The following SOX3 variants were observed in gnomAD, a reference collection of about 807,000 sequenced individuals.
The protein encoded by SOX3 is transcription factor SOX-3.
Under a neutral mutation model 4.6 loss-of-function variants are expected in SOX3, and 2 were observed. The ratio of observed to expected loss-of-function variants is 0.43; its 90% CI spans 0.18 to 1.36. The LOEUF is 1.36. Ranked by LOEUF, SOX3 falls within the 40% of genes most tolerant of loss-of-function variation. The pLI is 0.28. For missense variants in SOX3, 326 were observed against 441.9 expected (o/e 0.74, Z 2.35); for synonymous variants, 244 against 215.9 (o/e 1.13, Z -1.14).
Position 140,504,443 on chromosome X carries a change from G to A in SOX3, c.618C>T (p.Tyr206=). ...TGGTCTTGCGGCGCGGTCGGTACTT[G>A]TAGTCCGGATACTCCTTCATGTGCA... ...RAVHMKEYPD[Y]KYRPRRKTKT... Residue 206 remains tyrosine (Y), a synonymous_variant, in exon 1 of 1, where the codon TAC becomes TAT. Coordinates refer to ENST00000370536, the MANE Select transcript of SOX3 (RefSeq NM_005634.3). The A allele has an allele frequency of 8.3e-7, 1 of 1,211,862 alleles. No homozygotes were observed. The highest frequency in any genetic ancestry group is 1.1e-6 in the Non-Finnish European group (1 of 895,461).
chrX:140,503,509 C>G lies in SOX3; in HGVS notation c.*211G>C. On this transcript the variant is annotated 3_prime_UTR_variant, in exon 1 of 1. Coordinates refer to ENST00000370536, the MANE Select transcript of SOX3 (RefSeq NM_005634.3). The stretch of plus-strand genomic sequence containing the variant: ...GGAGCAGCGGCGTGGGGCAAGAGAG[C>G]TCTCTAGAAGTCCCATTTTCGCTGC... 2.6e-6 allele frequency: 1 copy of G among 383,252 alleles called. No homozygotes were observed. The highest frequency in any genetic ancestry group is 4.5e-6 in the Non-Finnish European group (1 of 221,330). The allele number at this position is 383,252 out of a possible 1,213,427, so 31.6% of individuals were successfully genotyped here. A position where few individuals can be genotyped will look rare whatever the true frequency, so the allele number is the denominator to read the frequency against.
rs745680900 is a variant in SOX3 at position 140,504,942 on chromosome X, G to T, written c.119C>A (p.Pro40Gln). 4 of 1,203,176 alleles carry T rather than the reference G, an allele frequency of 3.3e-6. No individual in the cohort carries two copies. Among genetic ancestry groups the T allele is most frequent in the Non-Finnish European group, 3.4e-6 (3 of 891,532 alleles). The part of the protein sequence containing the change: ...FPPDSLAHRP[P>Q]SSAPTESQGL... Reference sequence around the variant, plus strand: ...CTGGGACTCCGTCGGAGCGGAGCTTGGGGGCCTGTGGGCCAGCGAGTCCGG... The same window carrying T: ...CTGGGACTCCGTCGGAGCGGAGCTTTGGGGCCTGTGGGCCAGCGAGTCCGG... The change falls in exon 1 of 1, where the codon CCA (proline) becomes CAA (glutamine). Residue 40 changes from proline (P) to glutamine (Q), a missense_variant. Pro to Gln is a moderately conservative substitution (Grantham distance 76). Coordinates refer to ENST00000370536, the MANE Select transcript of SOX3 (RefSeq NM_005634.3).
rs1040138795 is a variant in SOX3 at position 140,503,604 on chromosome X, G to C, written c.*116C>G. The C allele has an allele frequency of 5.2e-6, 4 of 772,731 alleles. No homozygotes were observed. Among genetic ancestry groups the C allele is most frequent in the Non-Finnish European group, 5.3e-6 (3 of 566,973 alleles). The allele number at this position is 772,731 out of a possible 1,213,427, so 63.7% of individuals were successfully genotyped here. A position where few individuals can be genotyped will look rare whatever the true frequency, so the allele number is the denominator to read the frequency against. ...AAAACTTTCAGCCCTCCCCATCATC[G>C]GTACAAGGCAACAGTCCCAGGCAAG... On this transcript the variant is annotated 3_prime_UTR_variant, in exon 1 of 1. Coordinates refer to ENST00000370536, the MANE Select transcript of SOX3 (RefSeq NM_005634.3).
At position 140,504,782 on chromosome X, in the gene SOX3, T is replaced by C. The variant is rs866391011; in HGVS notation, c.279A>G (p.Gln93=). Residue 93 remains glutamine, a synonymous_variant, in exon 1 of 1, where the codon CAA becomes CAG. Transcript: ENST00000370536. Reference sequence around the variant, plus strand: ...CTGCGGGGCCGCCGGTGCCCGCCGCTTGTGTGGGTGTCCCTACGGGGTTCT... The same window carrying C: ...CTGCGGGGCCGCCGGTGCCCGCCGCCTGTGTGGGTGTCCCTACGGGGTTCT... The part of the protein sequence containing the change: ...ELKNPVGTPT[Q]AAGTGGPAAP... 8.5e-7 allele frequency: 1 copy of C among 1,172,931 alleles called. No homozygotes were observed. Among genetic ancestry groups the C allele is most frequent in the Non-Finnish European group, 1.1e-6 (1 of 877,540 alleles).
chrX:140,503,545 T>C lies in SOX3; in HGVS notation c.*175A>G, dbSNP rs1014097829. The C allele has an allele frequency of 2.2e-6, 1 of 464,657 alleles. No individual in the cohort carries two copies. Among genetic ancestry groups the C allele is most frequent in the South Asian group, 4.4e-5 (1 of 22,750 alleles). 38.3% of individuals were successfully genotyped at this position (464,657 alleles called of 1,213,427 possible). ...TCCCATTTTCGCTGCTCCTGACTTA[T>C]TTTTGCTTTTGTACAAAACCCGACA... is the stretch of plus-strand genomic sequence containing the variant. On this transcript the variant is annotated 3_prime_UTR_variant, in exon 1 of 1. Transcript: ENST00000370536.
At position 140,504,778 on chromosome X, in the gene SOX3, C is replaced by T; in HGVS notation, c.283G>A (p.Ala95Thr). The T allele has an allele frequency of 8.5e-7, 1 of 1,173,007 alleles. No homozygotes were observed. The highest frequency in any genetic ancestry group is 1.1e-6 in the Non-Finnish European group (1 of 877,610). Residue 95 changes from alanine to threonine, a missense_variant, in exon 1 of 1, where the codon GCG becomes ACG. Coordinates refer to ENST00000370536, the MANE Select transcript of SOX3 (RefSeq NM_005634.3). ...GGGGCTGCGGGGCCGCCGGTGCCCG[C>T]CGCTTGTGTGGGTGTCCCTACGGGG... is the stretch of plus-strand genomic sequence containing the variant. ...KNPVGTPTQAAGTGGPAAPGG... is the reference protein window; with the variant it reads ...KNPVGTPTQATGTGGPAAPGG...
In SOX3 at chrX:140,503,756, A is replaced by C. The variant is rs1025642929; in HGVS notation, c.1305T>G (p.Thr435=). The C allele has an allele frequency of 8.5e-7, 1 of 1,173,604 alleles. No homozygotes were observed. Among genetic ancestry groups the C allele is most frequent in the Non-Finnish European group, 1.1e-6 (1 of 880,695 alleles). Residue 435 remains threonine (T), a synonymous_variant, in exon 1 of 1, where the codon ACT becomes ACG. Coordinates refer to ENST00000370536, the MANE Select transcript of SOX3 (RefSeq NM_005634.3). The part of the protein sequence containing the change: ...GVHQHYQGAG[T]AVNGTVPLTH... The stretch of plus-strand genomic sequence containing the variant: ...TCAGCGGCACCGTTCCGTTGACTGC[A>C]GTCCCGGCGCCCTGGTAGTGCTGGT...
In SOX3 at chrX:140,504,419, G is replaced by A; in HGVS notation, c.642C>T (p.Thr214=). ...PDYKYRPRRK[T]KTLLKKDKYS... is the part of the protein sequence containing the mutation. Reference sequence around the variant, plus strand: ...ACTTATCTTTCTTGAGCAGCGTCTTGGTCTTGCGGCGCGGTCGGTACTTGT... The same window carrying A: ...ACTTATCTTTCTTGAGCAGCGTCTTAGTCTTGCGGCGCGGTCGGTACTTGT... The change falls in exon 1 of 1, where the codon ACC becomes ACT. Residue 214 remains threonine, a synonymous_variant. Coordinates refer to ENST00000370536, the MANE Select transcript of SOX3 (RefSeq NM_005634.3). 8.3e-7 allele frequency: 1 copy of A among 1,211,773 alleles called. No individual in the cohort carries two copies. The highest frequency in any genetic ancestry group is 2.2e-5 in the Admixed American group (1 of 46,117).
rs2148334552 is a variant in SOX3, at chrX:140,504,313, T to A, written c.748A>T (p.Ser250Cys). The change falls in exon 1 of 1, where the codon AGT becomes TGT. Residue 250 changes from serine (S) to cysteine (C), a missense_variant. Ser to Cys is a moderately radical substitution (Grantham distance 112). Around this residue, in one of 6 missense-constraint regions of SOX3, gnomAD observed 58 missense variants for 93.0 expected, o/e 0.62. Transcript: ENST00000370536. ...AAAAAAAAASSPVGVGQRLDT... is the reference protein window; with the variant it reads ...AAAAAAAAASCPVGVGQRLDT... Reference sequence around the variant, plus strand: ...AGGCGCTGGCCCACGCCCACCGGACTGCTGGCGGCAGCGGCTGCGGCCGCG... The same window carrying A: ...AGGCGCTGGCCCACGCCCACCGGACAGCTGGCGGCAGCGGCTGCGGCCGCG... The A allele has an allele frequency of 2.8e-6, 3 of 1,055,741 alleles. No homozygotes were observed. Among genetic ancestry groups the A allele is most frequent in the Non-Finnish European group, 3.6e-6 (3 of 824,432 alleles). 87.0% of individuals were successfully genotyped at this position (1,055,741 alleles called of 1,213,427 possible).
chrX:140,504,974 G>T lies in SOX3; in HGVS notation c.87C>A (p.Pro29=). ...TGTGGGCCAGCGAGTCCGGCGGGAA[G>T]GGTAGGCTTATCAAAATGCTCCGCG... ...DLARSILISL[P]FPPDSLAHRP... is the part of the protein sequence containing the mutation. The change falls in exon 1 of 1, where the codon CCC becomes CCA. Residue 29 remains proline, a synonymous_variant. Transcript: ENST00000370536. The T allele has an allele frequency of 4.1e-6, 5 of 1,208,408 alleles. No homozygotes were observed. The highest frequency in any genetic ancestry group is 5.6e-6 in the Non-Finnish European group (5 of 894,166).
Position 140,504,975 on chromosome X carries a change from G to C in SOX3, c.86C>G (p.Pro29Arg). The change falls in exon 1 of 1, where the codon CCC becomes CGC. Residue 29 changes from proline (P) to arginine (R), a missense_variant. By Grantham distance (103) the Pro-to-Arg change is moderately radical. This residue lies in a region of SOX3 where 56 missense variants were observed against 43.3 expected (regional missense o/e 1.29). Transcript: ENST00000370536. Reference protein sequence around the residue: ...DLARSILISLPFPPDSLAHRP... With the variant: ...DLARSILISLRFPPDSLAHRP... ...GTGGGCCAGCGAGTCCGGCGGGAAGGGTAGGCTTATCAAAATGCTCCGCGC... is the reference window on the plus strand; with the variant it reads ...GTGGGCCAGCGAGTCCGGCGGGAAGCGTAGGCTTATCAAAATGCTCCGCGC... 1 of 1,208,382 alleles carries C rather than the reference G, an allele frequency of 8.3e-7. No homozygotes were observed. Among genetic ancestry groups the C allele is most frequent in the Non-Finnish European group, 1.1e-6 (1 of 894,179 alleles).
Position 140,504,965 on chromosome X carries a change from C to T in SOX3, c.96G>A (p.Pro32=). The T allele has an allele frequency of 8.3e-7, 1 of 1,207,403 alleles. No homozygotes were observed. Among genetic ancestry groups the T allele is most frequent in the Non-Finnish European group, 1.1e-6 (1 of 893,758 alleles). Residue 32 remains proline (P), a synonymous_variant, in exon 1 of 1, where the codon CCG becomes CCA. Transcript: ENST00000370536. ...RSILISLPFP[P]DSLAHRPPSS... ...TTGGGGGCCTGTGGGCCAGCGAGTC[C>T]GGCGGGAAGGGTAGGCTTATCAAAA...
rs1456000742 is a variant in SOX3 at position 140,504,539 on chromosome X, G to A, written c.522C>T (p.Gly174=). The A allele has an allele frequency of 8.2e-7, 1 of 1,212,174 alleles. No individual in the cohort carries two copies. Among genetic ancestry groups the A allele is most frequent in the South Asian group, 1.8e-5 (1 of 57,004 alleles). Residue 174 remains glycine (G), a synonymous_variant, in exon 1 of 1, where the codon GGC becomes GGT. Coordinates refer to ENST00000370536, the MANE Select transcript of SOX3 (RefSeq NM_005634.3). ...MHNSEISKRL[G]ADWKLLTDAE... is the part of the protein sequence containing the mutation. The stretch of plus-strand genomic sequence containing the variant: ...CGTCGGTCAGCAGTTTCCAGTCGGC[G>A]CCCAAGCGCTTGCTGATCTCAGAAT...
In SOX3 at chrX:140,505,057, G is replaced by T; in HGVS notation, c.4C>A (p.Arg2=). ...CCTGATGAGTTCTCTCGAACAGGTC[G>T]CATTCACAGTCTGCCTGGGCTCTAG... M[R]PVRENSSGAR... is the part of the protein sequence containing the mutation. Residue 2 remains arginine, a synonymous_variant, in exon 1 of 1, where the codon CGA becomes AGA. Transcript: ENST00000370536. The T allele has an allele frequency of 8.3e-7, 1 of 1,203,864 alleles. No individual in the cohort carries two copies. The highest frequency in any genetic ancestry group is 1.1e-6 in the Non-Finnish European group (1 of 891,699).
In SOX3 at chrX:140,504,083, C is replaced by T. The variant is rs1228466059; in HGVS notation, c.978G>A (p.Ala326=). Residue 326 remains alanine, a synonymous_variant, in exon 1 of 1, where the codon GCG becomes GCA. Transcript: ENST00000370536. ...GAQSYMNVAA[A]AAAASGYGGM... ...CCCCGTAGCCCGAGGCGGCGGCGGCCGCGGCAGCGACGTTCATGTAGCTCT... is the reference window on the plus strand; with the variant it reads ...CCCCGTAGCCCGAGGCGGCGGCGGCTGCGGCAGCGACGTTCATGTAGCTCT... 2.0e-5 allele frequency: 20 copies of T among 994,025 alleles called. No homozygotes were observed. The highest frequency in any genetic ancestry group is 4.2e-5 in the East Asian group (1 of 23,621). 81.9% of individuals were successfully genotyped at this position (994,025 alleles called of 1,213,427 possible). A position where few individuals can be genotyped will look rare whatever the true frequency, so the allele number is the denominator to read the frequency against.
Position 140,504,005 on chromosome X carries a change from G to T in SOX3, c.1056C>A (p.Pro352=), listed in dbSNP as rs768259292. ...CCGCAGCTGCGGCCGCGGCGGTGGC[G>T]GGCTGCTGCCCGTAGGCGGCGGCCG... ...AAAAAAYGQQ[P]ATAAAAAAAA... is the part of the protein sequence containing the mutation. The change falls in exon 1 of 1, where the codon CCC becomes CCA. Residue 352 remains proline, a synonymous_variant. Coordinates refer to ENST00000370536, the MANE Select transcript of SOX3 (RefSeq NM_005634.3). The T allele has an allele frequency of 2.6e-5, 26 of 988,065 alleles. No individual in the cohort carries two copies. The Admixed American group carries it at 9.8e-4, about 37-fold the overall frequency. 81.4% of individuals were successfully genotyped at this position (988,065 alleles called of 1,213,427 possible). A position where few individuals can be genotyped will look rare whatever the true frequency, so the allele number is the denominator to read the frequency against.
At position 140,503,595 on chromosome X, in the gene SOX3, C is replaced by T; in HGVS notation, c.*125G>A. ...AGCTACAGCAAAACTTTCAGCCCTC[C>T]CCATCATCGGTACAAGGCAACAGTC... is the stretch of plus-strand genomic sequence containing the variant. On this transcript the variant is annotated 3_prime_UTR_variant, in exon 1 of 1. Coordinates refer to ENST00000370536, the MANE Select transcript of SOX3 (RefSeq NM_005634.3). 1.4e-6 allele frequency: 1 copy of T among 732,050 alleles called. No homozygotes were observed. The allele number at this position is 732,050 out of a possible 1,213,427, so 60.3% of individuals were successfully genotyped here.
In SOX3 at chrX:140,503,879, G is replaced by T. The variant is rs761630818; in HGVS notation, c.1182C>A (p.Leu394=). Residue 394 remains leucine, a synonymous_variant, in exon 1 of 1, where the codon CTC becomes CTA. Transcript: ENST00000370536. The part of the protein sequence containing the change: ...AIASHSQRAC[L]GDLRDMISMY... Reference sequence around the variant, plus strand: ...TGCTGATCATGTCGCGCAGGTCGCCGAGGCACGCGCGCTGAGAGTGCGATG... The same window carrying T: ...TGCTGATCATGTCGCGCAGGTCGCCTAGGCACGCGCGCTGAGAGTGCGATG... 5 of 1,188,663 alleles carry T rather than the reference G, an allele frequency of 4.2e-6. No individual in the cohort carries two copies. The East Asian group carries it at 9.0e-5, about 21-fold the overall frequency.
In SOX3 at chrX:140,503,712, G is replaced by C; in HGVS notation, c.*8C>G. On this transcript the variant is annotated 3_prime_UTR_variant, in exon 1 of 1. Coordinates refer to ENST00000370536, the MANE Select transcript of SOX3 (RefSeq NM_005634.3). ...GGGGAACAAGGGTGGACGAGCGCAG[G>C]CCGGTGCTCAGATGTGGGTCAGCGG... 8.5e-7 allele frequency: 1 copy of C among 1,170,107 alleles called. No individual in the cohort carries two copies. The highest frequency in any genetic ancestry group is 1.1e-6 in the Non-Finnish European group (1 of 879,665).
Sources: gnomAD v4.1 joint callset for allele counts on GRCh38, gnomAD v4.1.1 for gene constraint, gnomAD v4.1.1 regional missense constraint, MANE v1.5 for transcripts, NCBI Gene and HGNC (gene_info 2026-07-23, HGNC 2026-07-21) for gene names.